Variants in COLQ observed in about 807,000 individuals in gnomAD.
COLQ encodes collagen like tail subunit of asymmetric acetylcholinesterase.
COLQ carries 48 observed loss-of-function variants against 69.0 expected under a neutral mutation model. The ratio of observed to expected loss-of-function variants is 0.70; its 90% CI spans 0.55 to 0.88. The LOEUF (loss-of-function observed/expected upper bound fraction) is 0.88. COLQ is among the 40% of genes least tolerant of loss of function. The pLI, the probability that COLQ is intolerant of heterozygous loss-of-function variation, is 0.00. For synonymous variants in COLQ, 217 were observed against 211.2 expected (o/e 1.03, Z -0.24); for missense variants, 618 against 594.6 (o/e 1.04, Z -0.41).
At chr3:15,455,806 C>T (rs1396673508) in intron 15 of COLQ, 93 bp downstream of exon 15, 4 of 1,559,538 alleles carry the variant, frequency 2.6e-6, no homozygotes, top group East Asian at 4.6e-5. Context: ...CTAGAAAGGT[C>T]CCAAAGCACC....
intron 11 of COLQ, among the ~76,000 whole-genome samples, chr3:15,467,467 C>T (rs1032371772): frequency 5.9e-5 from 9 of 152,322 alleles, no homozygotes; most frequent in African/African-American, 9.6e-5. Context: ...ATCTGTTTCA[C>T]GTAGTTAAGT....
chr3:15,472,533 T>C (rs1414013099), intron 10 of COLQ, among the ~76,000 whole-genome samples: 3 of 152,242 alleles, frequency 2.0e-5, no homozygotes, highest in East Asian at 3.8e-4. Context: ...CTTTGCATGT[T>C]TGAAGAATAT....
At chr3:15,475,265 G>A in intron 7 of COLQ, 160 bp downstream of exon 7, 1 of 756,936 alleles carries the variant, frequency 1.3e-6, no homozygotes, top group Non-Finnish European at 2.2e-6. Flanking sequence ...GCATCCCAGG[G>A]CATGATGTTC....
intron 12 of COLQ, among the ~76,000 whole-genome samples, chr3:15,462,148 C>A (rs879600551): frequency 3.3e-5 from 5 of 152,226 alleles, no homozygotes; most frequent in Admixed American, 1.3e-4. Flanking sequence ...CCTGTCTCAG[C>A]CTCCTGAGTA....
chr3:15,479,844 T>C (rs2062447886), intron 3 of COLQ, among the ~76,000 whole-genome samples: 1 of 152,210 alleles, frequency 6.6e-6, no homozygotes, highest in Non-Finnish European at 1.5e-5. Context: ...ACCTTGGAAA[T>C]TCCCATGGTC....
chr3:15,488,907 T>C (rs2062620090), intron 2 of COLQ, among the ~76,000 whole-genome samples: 1 of 152,214 alleles, frequency 6.6e-6, no homozygotes, highest in Non-Finnish European at 1.5e-5. Flanking sequence ...TAGCTACATA[T>C]GGCTAGTGGC....
rs2062339762 is a variant in COLQ at position 15,474,256 on chromosome 3, T to C, written c.572A>G (p.Lys191Arg). The stretch of plus-strand genomic sequence containing the variant: ...TTCTCCTTTGGGACCCAGGTCACCC[T>C]TTTCACCTCTGGATCCCTAGGAAGA... ...SRGEKGSRGE[K>R]GDLGPKGEKG... The change falls in exon 9 of 17, where the codon AAG becomes AGG. Residue 191 changes from lysine to arginine, a missense_variant. Physicochemically the swap from Lys to Arg is conservative, Grantham distance 26. Transcript: ENST00000383788. 6.2e-7 allele frequency: 1 copy of C among 1,613,796 alleles called. No homozygotes were observed. Among genetic ancestry groups the C allele is most frequent in the Admixed American group, 1.7e-5 (1 of 59,998 alleles).
chr3:15,498,788 T>C, intron 1 of COLQ: 1 of 1,493,424 alleles, frequency 6.7e-7, no homozygotes, highest in Non-Finnish European at 8.9e-7. Flanking sequence ...TAGCAATGGG[T>C]AGGCAGCCCT....
chr3:15,515,464 G>C (rs2063047421), intron 1 of COLQ, among the ~76,000 whole-genome samples: 1 of 152,122 alleles, frequency 6.6e-6, no homozygotes, highest in Admixed American at 6.5e-5. Context: ...GGGAATCATT[G>C]GTGCCAGTCC....
intron 4 of COLQ, 132 bp downstream of exon 4, chr3:15,479,206 G>C (rs2062435015): frequency 8.6e-7 from 1 of 1,161,874 alleles, no homozygotes. Flanking sequence ...AGCCATCATG[G>C]AACCCAGCCT....
At chr3:15,479,105 A>G (rs962709846) in intron 4 of COLQ, 102 bp from the exon 5 acceptor site, 43 of 1,459,330 alleles carry the variant, frequency 2.9e-5, no homozygotes, top group African/African-American at 4.2e-5. Context: ...CATGTGGCTC[A>G]GTTGCTTGGC....
intron 1 of COLQ, among the ~76,000 whole-genome samples, chr3:15,520,358 A>C (rs1003532653): frequency 3.9e-5 from 6 of 152,136 alleles, no homozygotes; most frequent in African/African-American, 1.4e-4. Flanking sequence ...GCCTCACACC[A>C]GTCTCTGAGT....
At chr3:15,517,095 A>G (rs1430594888) in intron 1 of COLQ, among the ~76,000 whole-genome samples, 1 of 152,202 alleles carries the variant, frequency 6.6e-6, no homozygotes, top group Non-Finnish European at 1.5e-5. Context: ...GTGAGCCGAG[A>G]TCGCACCACT....
intron 1 of COLQ, among the ~76,000 whole-genome samples, chr3:15,509,354 G>T (rs1179895213): frequency 6.6e-6 from 1 of 152,200 alleles, no homozygotes; most frequent in Non-Finnish European, 1.5e-5. Flanking sequence ...CTTCTTGCTA[G>T]GTTTTGCATA....
At chr3:15,455,741 C>T (rs751876537) in intron 15 of COLQ, among the ~76,000 whole-genome samples, 158 bp downstream of exon 15, 1 of 152,160 alleles carries the variant, frequency 6.6e-6, no homozygotes, top group Non-Finnish European at 1.5e-5. Context: ...GAAACTGGGG[C>T]AGCAGGGACT....
rs368836794 is a variant in COLQ, at chr3:15,469,293, C to T, written c.717+1243G>A. Among the ~76,000 whole-genome samples the T allele has an allele frequency of 3.2e-4, 48 of 152,268 alleles. 1 individual carries two copies. The highest frequency in any genetic ancestry group is 1.0e-3 in the Admixed American group (16 of 15,296). ...GCCAGGAACTAGGAAAAGGCAAACA[C>T]TGCCCAAGACAGAAGGAAGCCAGGA... On this transcript the variant is annotated intron_variant, in intron 11 of 16. Transcript: ENST00000383788.
rs113347275 is a variant in COLQ, at chr3:15,473,378, G to A, written c.636+622C>T. Among the ~76,000 whole-genome samples the A allele has an allele frequency of 1.3e-4, 20 of 152,182 alleles. No individual in the cohort carries two copies. Among genetic ancestry groups the A allele is most frequent in the African/African-American group, 4.8e-4 (20 of 41,504 alleles). On this transcript the variant is annotated intron_variant, in intron 10 of 16. Coordinates refer to ENST00000383788, the MANE Select transcript of COLQ (RefSeq NM_005677.4). This position sits in a 1 kb window ranked among gnomAD's most constrained non-coding sequence, Gnocchi z 4.0. The stretch of plus-strand genomic sequence containing the variant: ...TCACCATGTTGCCCAGGCTAGTCTC[G>A]AACTCCTGGGTTCAAGCCATCTGCC...
At chr3:15,456,380 G>A in intron 14 of COLQ, 80 bp downstream of exon 14, 1 of 1,590,104 alleles carries the variant, frequency 6.3e-7, no homozygotes, top group South Asian at 1.1e-5. Context: ...CAGGCCCAGT[G>A]GGGTGGCCTT....
At chr3:15,518,617 G>A (rs2063093422) in intron 1 of COLQ, among the ~76,000 whole-genome samples, 2 of 152,222 alleles carry the variant, frequency 1.3e-5, no homozygotes, top group Non-Finnish European at 2.9e-5. Flanking sequence ...GATAGCTGGT[G>A]CTGCACATGG....
Sources: gnomAD v4.1 joint callset for allele counts (sites outside exome capture counted in the v4.1 genomes callset) on GRCh38, gnomAD v4.1.1 for gene constraint, Gnocchi (gnomAD v3.1) non-coding constraint, MANE v1.5 for transcripts, NCBI Gene and HGNC (gene_info 2026-07-23, HGNC 2026-07-21) for gene names.